Variants in MDN1 observed in about 807,000 individuals in gnomAD.
MDN1 encodes the protein midasin AAA ATPase 1, also known as midasin.
Under a neutral mutation model 669.2 loss-of-function variants are expected in MDN1, and 266 were observed. That is an observed-to-expected ratio of 0.40 (90% CI 0.36 to 0.44). The LOEUF (loss-of-function observed/expected upper bound fraction) is 0.44, where lower values mean the gene tolerates loss of function less well. MDN1 is among the 20% of genes least tolerant of loss of function. The pLI is 1.00. For synonymous variants in MDN1, 2,385 were observed against 2,457.1 expected, an observed-to-expected ratio of 0.97 and a Z score of 0.87; for missense variants, 5,940 against 6,754.0, an observed-to-expected ratio of 0.88 and a Z score of 4.22.
rs1373553765 is a variant in MDN1 at position 89,745,462 on chromosome 6, A to G, written c.4039+30T>C. On this transcript the variant is annotated intron_variant, in intron 28 of 101. Coordinates refer to ENST00000369393, the MANE Select transcript of MDN1 (RefSeq NM_014611.3). ...GATTCTAATGAGTACAACTCAAATC[A>G]TATTCCTCTAGGGATTTTGGCCTAC... 5 of 1,613,926 alleles carry G rather than the reference A, an allele frequency of 3.1e-6. 1 individual carries two copies. The South Asian group carries it at 3.3e-5, about 11-fold the overall frequency.
intron 69 of MDN1, 84 bp downstream of exon 69, chr6:89,686,818 G>A (rs1015464200): frequency 1.3e-5 from 20 of 1,531,954 alleles, no homozygotes; most frequent in Non-Finnish European, 1.7e-5. Flanking sequence ...CGGGAGAAGC[G>A]GGAGCAGGAA....
At position 89,747,404 on chromosome 6, in the gene MDN1, G is replaced by A. The variant is rs548739528; in HGVS notation, c.3829C>T (p.Arg1277Ter). The change falls in exon 27 of 102, where the codon CGA (arginine) becomes TGA (stop). Residue 1277 changes from arginine to a stop codon, truncating the protein, a stop_gained. Transcript: ENST00000369393. LOFTEE classifies it high-confidence loss of function. ...QGFITLRDLF[R>*]WAERYRLAEP... ...GCCAATCTGTATCTTTCAGCCCATC[G>A]GAACAGATCACGAAGGGTGATGAAG... The A allele has an allele frequency of 1.9e-6, 3 of 1,614,030 alleles. No individual in the cohort carries two copies. The highest frequency in any genetic ancestry group is 2.2e-5 in the East Asian group (1 of 44,862).
Position 89,707,530 on chromosome 6 carries a change from A to C in MDN1, c.7899-54T>G, listed in dbSNP as rs888586647. 9.9e-6 allele frequency: 11 copies of C among 1,108,048 alleles called. No individual in the cohort carries two copies. The Admixed American group carries it at 1.5e-4, about 15-fold the overall frequency. The allele number at this position is 1,108,048 out of a possible 1,614,324, so 68.6% of individuals were successfully genotyped here. On this transcript the variant is annotated intron_variant, in intron 51 of 101. Transcript: ENST00000369393. ...ATAGCTATCGGTTAATAACATTTTCAATCATATCCTCTATTTGCTGGAACA... is the reference window on the plus strand; with the variant it reads ...ATAGCTATCGGTTAATAACATTTTCCATCATATCCTCTATTTGCTGGAACA...
intron 51 of MDN1, 89 bp downstream of exon 51, chr6:89,708,407 C>T (rs1813662599): frequency 2.0e-6 from 3 of 1,497,360 alleles, no homozygotes; most frequent in Non-Finnish European, 2.7e-6. Context: ...AAATTCAACA[C>T]ACATAAGCTA....
At chr6:89,714,267 C>A (rs1814171498) in intron 46 of MDN1, among the ~76,000 whole-genome samples, 1 of 152,216 alleles carries the variant, frequency 6.6e-6, no homozygotes, top group South Asian at 2.1e-4. Flanking sequence ...ACTTCATAAA[C>A]CTCAGTGCGT....
At position 89,718,538 on chromosome 6, in the gene MDN1, A is replaced by T. The variant is rs758308032; in HGVS notation, c.6411T>A (p.Ala2137=). The change falls in exon 43 of 102, where the codon GCT becomes GCA. Residue 2137 remains alanine, a synonymous_variant. Coordinates refer to ENST00000369393, the MANE Select transcript of MDN1 (RefSeq NM_014611.3). ...CTCGCAGCACTACTTCTGCATCATC[A>T]GCACTGATAAGGAGGCTATCCCTTA... is the stretch of plus-strand genomic sequence containing the variant. ...ALLRDSLLIS[A]DDAEVVLRAW... The T allele has an allele frequency of 1.2e-6, 2 of 1,614,058 alleles. No individual in the cohort carries two copies. Among genetic ancestry groups the T allele is most frequent in the South Asian group, 2.2e-5 (2 of 91,084 alleles).
Position 89,678,666 on chromosome 6 carries a change from T to C in MDN1, c.12345A>G (p.Glu4115=). The change falls in exon 75 of 102, where the codon GAA becomes GAG. Residue 4115 remains glutamate, a synonymous_variant. Coordinates refer to ENST00000369393, the MANE Select transcript of MDN1 (RefSeq NM_014611.3). ...GTTTTTGCATGAGAATGTGCTTGGC[T>C]TCTGACCGCTGCTTCTCCTTCTCTG... ...PSAEKEKQRS[E]AKHILMQKQR... is the part of the protein sequence containing the mutation. 1 of 1,614,158 alleles carries C rather than the reference T, an allele frequency of 6.2e-7. No homozygotes were observed.
intron 7 of MDN1, among the ~76,000 whole-genome samples, chr6:89,788,443 T>C (rs536768241): frequency 7.9e-5 from 12 of 152,308 alleles, no homozygotes; most frequent in African/African-American, 2.6e-4. Context: ...ACAGAAATGG[T>C]ACATACACTT....
Position 89,794,087 on chromosome 6 carries a change from G to T in MDN1, c.662+13C>A. The T allele has an allele frequency of 6.6e-7, 1 of 1,522,250 alleles. No individual in the cohort carries two copies. The allele number at this position is 1,522,250 out of a possible 1,614,324, so 94.3% of individuals were successfully genotyped here. On this transcript the variant is annotated intron_variant, in intron 4 of 101. Coordinates refer to ENST00000369393, the MANE Select transcript of MDN1 (RefSeq NM_014611.3). ...AATGCTATAGCAAGACCTCCACGAA[G>T]GTTCCTGCTTACCTCAACCTGAAAT...
intron 87 of MDN1, 31 bp downstream of exon 87, chr6:89,662,054 CAA>C (rs1562049790): frequency 9.4e-6 from 15 of 1,594,790 alleles, no homozygotes; most frequent in Non-Finnish European, 1.3e-5. Context: ...GGCCTTGAGT[CAA>C]GAGAGCGGAT....
At chr6:89,788,158 G>A (rs570872649) in intron 7 of MDN1, among the ~76,000 whole-genome samples, 266 of 152,202 alleles carry the variant, frequency 1.7e-3, no homozygotes, top group Non-Finnish European at 3.1e-3. Flanking sequence ...CGACATTCAC[G>A]AGTGCCTCCT....
In MDN1 at chr6:89,708,519, G is replaced by A. The variant is rs1163088692; in HGVS notation, c.7875C>T (p.Ala2625=). The A allele has an allele frequency of 3.1e-6, 5 of 1,614,018 alleles. No individual in the cohort carries two copies. In the East Asian group the frequency reaches 8.9e-5, roughly 29 times the overall value. ...PQTDQPDQLF[A]LLESAANKTI... The stretch of plus-strand genomic sequence containing the variant: ...ACTTGTTTGCAGCTGATTCTAAAAG[G>A]GCAAAGAGCTGGTCAGGCTGGTCCG... The change falls in exon 51 of 102, where the codon GCC becomes GCT. Residue 2625 remains alanine, a synonymous_variant. Coordinates refer to ENST00000369393, the MANE Select transcript of MDN1 (RefSeq NM_014611.3).
At chr6:89,687,123 A>G in intron 68 of MDN1, 100 bp from the exon 69 acceptor site, 1 of 1,518,310 alleles carries the variant, frequency 6.6e-7, no homozygotes, top group Non-Finnish European at 8.9e-7. Flanking sequence ...TCTCCTCCCA[A>G]ATGGAGATGG....
At position 89,643,907 on chromosome 6, in the gene MDN1, C is replaced by A; in HGVS notation, c.*98G>T. 9.7e-7 allele frequency: 1 copy of A among 1,033,948 alleles called. No homozygotes were observed. The highest frequency in any genetic ancestry group is 1.4e-6 in the Non-Finnish European group (1 of 736,994). 64.0% of individuals were successfully genotyped at this position (1,033,948 alleles called of 1,614,324 possible). A position where few individuals can be genotyped will look rare whatever the true frequency, so the allele number is the denominator to read the frequency against. ...ATCACGTTGTAAAATAAAAATATTA[C>A]AATAAAATTTTTTGTAGTTGTCCAA... On this transcript the variant is annotated 3_prime_UTR_variant, in exon 102 of 102. Transcript: ENST00000369393.
chr6:89,660,035 A>G lies in MDN1; in HGVS notation c.14714-1118T>C, dbSNP rs562776606. 8.5e-5 allele frequency among the ~76,000 whole-genome samples: 13 copies of G among 152,184 alleles called. No individual in the cohort carries two copies. The East Asian group carries it at 9.7e-4, about 11-fold the overall frequency. ...CCCAAGTAGCCAGGATTACAGGCAT[A>G]TGCCACCACACCCAGCTAATTTTGT... On this transcript the variant is annotated intron_variant, in intron 88 of 101. Transcript: ENST00000369393.
At chr6:89,791,791 G>A (rs184100503) in intron 5 of MDN1, among the ~76,000 whole-genome samples, 61 of 151,930 alleles carry the variant, frequency 4.0e-4, no homozygotes, top group African/African-American at 1.4e-3. Context: ...GGGCAACATA[G>A]TGAGACTCTG....
At chr6:89,756,608 C>T (rs962507923) in intron 19 of MDN1, among the ~76,000 whole-genome samples, 3 of 152,170 alleles carry the variant, frequency 2.0e-5, no homozygotes, top group South Asian at 4.1e-4. Flanking sequence ...AAGTCTTCTA[C>T]GTATAGTCCT....
chr6:89,783,508 GC>G, intron 9 of MDN1, among the ~76,000 whole-genome samples: 1 of 152,214 alleles, frequency 6.6e-6, no homozygotes, highest in African/African-American at 2.4e-5. Flanking sequence ...TTTGCCCTTT[GC>G]CTTGTGATCT....
chr6:89,817,661 TAAC>T (rs1211396508), intron 1 of MDN1, among the ~76,000 whole-genome samples: 1 of 152,088 alleles, frequency 6.6e-6, no homozygotes, highest in African/African-American at 2.4e-5. Context: ...GCCCAGACAA[TAAC>T]AACAGACATT....
Sources: gnomAD v4.1 joint callset for allele counts (sites outside exome capture counted in the v4.1 genomes callset) on GRCh38, gnomAD v4.1.1 for gene constraint, MANE v1.5 for transcripts, NCBI Gene and HGNC (gene_info 2026-07-23, HGNC 2026-07-21) for gene names.